RNASE4: variants seen among roughly 807,000 people sequenced by gnomAD.
The protein encoded by RNASE4 is ribonuclease A family member 4.
For missense variants in RNASE4, 194 were observed against 192.8 expected, an observed-to-expected ratio of 1.01 and a Z score of -0.04; for synonymous variants, 93 against 71.4, an observed-to-expected ratio of 1.30 and a Z score of -1.52.
chr14:20,692,885 T>C (rs1886844226), intron 1 of RNASE4, among the ~76,000 whole-genome samples: 1 of 152,168 alleles, frequency 6.6e-6, no homozygotes, highest in African/African-American at 2.4e-5. Context: ...TCTCGCTCTG[T>C]CGCCAAGGCT....
chr14:20,694,021 T>C, intron 1 of RNASE4: 8 of 1,613,994 alleles, frequency 5.0e-6, no homozygotes, highest in Non-Finnish European at 6.8e-6. Context: ...AGCGGGCCCC[T>C]GGTCAAGTGC....
At chr14:20,691,381 T>C (rs1347797994) in intron 1 of RNASE4, among the ~76,000 whole-genome samples, 2 of 152,184 alleles carry the variant, frequency 1.3e-5, no homozygotes, top group Admixed American at 1.3e-4. Context: ...TACAAATCAA[T>C]AAAACTTTAA....
rs1433691722 is a variant in RNASE4, at chr14:20,699,560, T to G, written c.189T>G (p.Thr63=). 1 of 1,614,208 alleles carries G rather than the reference T, an allele frequency of 6.2e-7. No homozygotes were observed. Among genetic ancestry groups the G allele is most frequent in the Admixed American group, 1.7e-5 (1 of 60,030 alleles). Residue 63 remains threonine, a synonymous_variant, in exon 2 of 2, where the codon ACT becomes ACG. Transcript: ENST00000555835. Reference sequence around the variant, plus strand: ...TGATGATGCAAAGACGGAAGATGACTTTGTATCACTGCAAGCGCTTCAACA... The same window carrying G: ...TGATGATGCAAAGACGGAAGATGACGTTGTATCACTGCAAGCGCTTCAACA... ...CNLMMQRRKM[T]LYHCKRFNTF...
chr14:20,690,882 C>G (rs12100929), intron 1 of RNASE4, among the ~76,000 whole-genome samples: 34,702 of 152,134 alleles, frequency 0.23, 5,054 homozygotes, highest in African/African-American at 0.42. Flanking sequence ...CAAGTAAATA[C>G]TTCATTGTTC....
At chr14:20,688,978 T>G (rs951875163) in intron 1 of RNASE4, 2 of 542,468 alleles carry the variant, frequency 3.7e-6, no homozygotes, top group Non-Finnish European at 4.7e-6. Context: ...AGCTCATGAA[T>G]TAAAAAGAAA....
intron 1 of RNASE4, among the ~76,000 whole-genome samples, chr14:20,692,150 G>A (rs781030694): frequency 6.6e-6 from 1 of 152,132 alleles, no homozygotes; most frequent in Non-Finnish European, 1.5e-5. Context: ...TACATTTGGG[G>A]TCATAAGAAT....
intron 1 of RNASE4, chr14:20,693,455 G>C (rs76272661): frequency 6.6e-7 from 1 of 1,518,042 alleles, no homozygotes; most frequent in East Asian, 2.3e-5. Context: ...TCTGATTCAT[G>C]ATGCCGTGTC....
chr14:20,693,675 C>T lies in RNASE4; in HGVS notation c.-17-5680C>T. On this transcript the variant is annotated intron_variant, in intron 1 of 1. Transcript: ENST00000555835. ...GGTACACACACTTCCTGACCCAGCA[C>T]TATGATGCCAAACCACAGGGCCGGG... 1 of 1,614,182 alleles carries T rather than the reference C, an allele frequency of 6.2e-7. No homozygotes were observed. Among genetic ancestry groups the T allele is most frequent in the South Asian group, 1.1e-5 (1 of 91,086 alleles).
intron 1 of RNASE4, 49 bp from the exon 2 acceptor site, chr14:20,699,306 A>G (rs763082995): frequency 1.4e-5 from 21 of 1,471,176 alleles, no homozygotes; most frequent in Non-Finnish European, 1.8e-5. Context: ...ACCTTTTTCC[A>G]GTGCCCAGTT....
At chr14:20,691,388 T>G (rs1014933030) in intron 1 of RNASE4, among the ~76,000 whole-genome samples, 5 of 152,192 alleles carry the variant, frequency 3.3e-5, no homozygotes, top group Non-Finnish European at 5.9e-5. Flanking sequence ...CAATAAAACT[T>G]TAATAAGATC....
chr14:20,699,597 G>T lies in RNASE4; in HGVS notation c.226G>T (p.Glu76Ter), dbSNP rs747525286. The T allele has an allele frequency of 1.2e-6, 2 of 1,614,110 alleles. No individual in the cohort carries two copies. Among genetic ancestry groups the T allele is most frequent in the South Asian group, 2.2e-5 (2 of 91,080 alleles). Residue 76 changes from glutamate to a stop codon, truncating the protein, a stop_gained, in exon 2 of 2, where the codon GAA becomes TAA. Transcript: ENST00000555835. LOFTEE classifies it low-confidence loss of function (END_TRUNC). ...HCKRFNTFIH[E>*]DIWNIRSICS... ...CAAGCGCTTCAACACCTTCATCCAT[G>T]AAGATATCTGGAACATTCGTAGTAT...
intron 1 of RNASE4, among the ~76,000 whole-genome samples, chr14:20,691,181 G>T (rs965296589): frequency 6.6e-6 from 1 of 152,158 alleles, no homozygotes; most frequent in African/African-American, 2.4e-5. Flanking sequence ...TCCTAGAGAA[G>T]ACATTAGTAA....
At chr14:20,692,678 C>A (rs1886830450) in intron 1 of RNASE4, among the ~76,000 whole-genome samples, 1 of 152,210 alleles carries the variant, frequency 6.6e-6, no homozygotes, top group Non-Finnish European at 1.5e-5. Flanking sequence ...CATAGAAATA[C>A]TGTCTTCCAC....
rs1485655003 is a variant in RNASE4 at position 20,700,672 on chromosome 14, C to A, written c.*857C>A. The A allele has an allele frequency of 6.0e-6, 1 of 166,764 alleles. No homozygotes were observed. Among genetic ancestry groups the A allele is most frequent in the African/African-American group, 2.4e-5 (1 of 41,414 alleles). The allele number at this position is 166,764 out of a possible 1,614,324, so 10.3% of individuals were successfully genotyped here. On this transcript the variant is annotated 3_prime_UTR_variant, in exon 2 of 2. Coordinates refer to ENST00000555835, the MANE Select transcript of RNASE4 (RefSeq NM_002937.5). ...TGTTTAGTTTATAAACATGCATGCA[C>A]CTTAATAACCTCATAAACTCTGGTC...
In RNASE4 at chr14:20,699,619, G is replaced by T; in HGVS notation, c.248G>T (p.Ser83Ile). Residue 83 changes from serine to isoleucine, a missense_variant, in exon 2 of 2, where the codon AGT becomes ATT. Ser to Ile is a moderately radical substitution (Grantham distance 142, BLOSUM62 -2). Transcript: ENST00000555835. Reference protein sequence around the residue: ...FIHEDIWNIRSICSTTNIQCK... With the variant: ...FIHEDIWNIRIICSTTNIQCK... The stretch of plus-strand genomic sequence containing the variant: ...CATGAAGATATCTGGAACATTCGTA[G>T]TATCTGCAGCACCACCAATATCCAA... 1 of 1,613,804 alleles carries T rather than the reference G, an allele frequency of 6.2e-7. No individual in the cohort carries two copies.
chr14:20,700,230 A>G lies in RNASE4; in HGVS notation c.*415A>G, dbSNP rs1394907008. 5 of 170,404 alleles carry G rather than the reference A, an allele frequency of 2.9e-5. No individual in the cohort carries two copies. The highest frequency in any genetic ancestry group is 9.6e-5 in the African/African-American group (4 of 41,526). 10.6% of individuals were successfully genotyped at this position (170,404 alleles called of 1,614,324 possible). ...GGATTTGCTGAAGACTGTAAAGTTA[A>G]TGGAAGAATTGAGACAAAAATCCAG... is the stretch of plus-strand genomic sequence containing the variant. On this transcript the variant is annotated 3_prime_UTR_variant, in exon 2 of 2. Transcript: ENST00000555835.
chr14:20,697,791 C>T (rs1457919270), intron 1 of RNASE4, among the ~76,000 whole-genome samples: 1 of 152,216 alleles, frequency 6.6e-6, no homozygotes, highest in Admixed American at 6.5e-5. Context: ...AAACATTGCC[C>T]TTGCTAATTT....
intron 1 of RNASE4, among the ~76,000 whole-genome samples, chr14:20,696,928 C>A (rs1348136998): frequency 6.6e-6 from 1 of 152,124 alleles, no homozygotes; most frequent in Non-Finnish European, 1.5e-5. Context: ...GTCTTTTAGA[C>A]CACGGTGTCA....
chr14:20,699,601 A>G lies in RNASE4; in HGVS notation c.230A>G (p.Asp77Gly). The change falls in exon 2 of 2, where the codon GAT (aspartate) becomes GGT (glycine). Residue 77 changes from aspartate (D) to glycine (G), a missense_variant. By Grantham distance (94) the Asp-to-Gly change is moderately conservative. Coordinates refer to ENST00000555835, the MANE Select transcript of RNASE4 (RefSeq NM_002937.5). Reference protein sequence around the residue: ...CKRFNTFIHEDIWNIRSICST... With the variant: ...CKRFNTFIHEGIWNIRSICST... ...CGCTTCAACACCTTCATCCATGAAG[A>G]TATCTGGAACATTCGTAGTATCTGC... is the stretch of plus-strand genomic sequence containing the variant. 1.2e-6 allele frequency: 2 copies of G among 1,614,144 alleles called. No individual in the cohort carries two copies. Among genetic ancestry groups the G allele is most frequent in the Non-Finnish European group, 1.7e-6 (2 of 1,180,042 alleles).
Sources: gnomAD v4.1 joint callset for allele counts (sites outside exome capture counted in the v4.1 genomes callset) on GRCh38, gnomAD v4.1.1 for gene constraint, MANE v1.5 for transcripts, NCBI Gene and HGNC (gene_info 2026-07-23, HGNC 2026-07-21) for gene names.